The following ACYP2 variants were observed in gnomAD, a reference collection of about 807,000 sequenced individuals.
ACYP2 encodes the protein acylphosphatase 2, also known as acylphosphatase-2.
ACYP2 carries 12 observed loss-of-function variants against 11.2 expected under a neutral mutation model. The ratio of observed to expected loss-of-function variants is 1.08; its 90% CI spans 0.69 to 1.74. The LOEUF (loss-of-function observed/expected upper bound fraction) is 1.74, where lower values mean the gene tolerates loss of function less well. ACYP2 is among the 40% of genes most tolerant of loss of function. ACYP2 has a pLI of 0.00. For synonymous variants in ACYP2, 43 were observed against 32.2 expected (o/e 1.33, Z -1.13); for missense variants, 134 against 101.9 (o/e 1.31, Z -1.35).
intron 4 of ACYP2, among the ~76,000 whole-genome samples, chr2:54,095,606 G>T (rs1293896048): frequency 2.1e-5 from 3 of 144,264 alleles, no homozygotes; most frequent in African/African-American, 8.0e-5. Context: ...CTGGCCGAGT[G>T]GGGGGCTGAC....
chr2:54,198,891 C>A (rs550939732), intron 6 of ACYP2, among the ~76,000 whole-genome samples: 1 of 152,272 alleles, frequency 6.6e-6, no homozygotes, highest in East Asian at 1.9e-4. Context: ...ACTTCTCGTT[C>A]CGTGCCCATT....
intron 4 of ACYP2, among the ~76,000 whole-genome samples, chr2:54,123,942 A>G (rs1680309422): frequency 6.6e-6 from 1 of 152,216 alleles, no homozygotes; most frequent in Non-Finnish European, 1.5e-5. Flanking sequence ...TGCTGCCCCA[A>G]GTAAAATCAG....
chr2:53,984,665 T>C (rs1348587442), intron 2 of ACYP2, among the ~76,000 whole-genome samples: 1 of 150,754 alleles, frequency 6.6e-6, no homozygotes, highest in East Asian at 1.9e-4. Context: ...ATATGTAGTA[T>C]GTATATAAAA....
At chr2:54,250,769 A>G (rs1049573689) in intron 6 of ACYP2, among the ~76,000 whole-genome samples, 10 of 152,238 alleles carry the variant, frequency 6.6e-5, no homozygotes, top group African/African-American at 2.4e-4. Context: ...CAGAAGTGGA[A>G]AGATTTTGCT....
In ACYP2 at chr2:54,255,348, G is replaced by T; in HGVS notation, c.405-49340G>T. 1.9e-6 allele frequency: 3 copies of T among 1,614,114 alleles called. No homozygotes were observed. In the South Asian group the frequency reaches 3.3e-5, roughly 18 times the overall value. On this transcript the variant is annotated intron_variant, in intron 6 of 6. Coordinates refer to ENST00000607452, the MANE Select transcript of ACYP2 (RefSeq NM_001320586.2). The stretch of plus-strand genomic sequence containing the variant: ...AGTAGCTTAACATCTCGGCATCTTG[G>T]CCTCTAATCATGGCAGACAGCTGTG...
At chr2:54,064,439 A>G (rs561375176) in intron 4 of ACYP2, among the ~76,000 whole-genome samples, 1 of 147,720 alleles carries the variant, frequency 6.8e-6, no homozygotes, top group African/African-American at 2.5e-5. Flanking sequence ...TGTGGCAACC[A>G]TTTACTTAGC....
rs138541659 is a variant in ACYP2 at position 54,072,618 on chromosome 2, A to G, written c.277+15258A>G. Among the ~76,000 whole-genome samples the G allele has an allele frequency of 9.6e-3, 1,335 of 139,268 alleles. 46 individuals carry two copies. Among genetic ancestry groups the G allele is most frequent in the East Asian group, 0.068 (331 of 4,860 alleles). 91.4% of individuals were successfully genotyped at this position (139,268 alleles called of 152,430 possible). ...CACTCTGTTGCCCAGGCTGGAGTGCAGTAGCACAGGCTTGGCTCACTGCAA... is the reference window on the plus strand; with the variant it reads ...CACTCTGTTGCCCAGGCTGGAGTGCGGTAGCACAGGCTTGGCTCACTGCAA... On this transcript the variant is annotated intron_variant, in intron 4 of 6. Coordinates refer to ENST00000607452, the MANE Select transcript of ACYP2 (RefSeq NM_001320586.2).
chr2:54,181,326 T>C (rs148751615), intron 6 of ACYP2, among the ~76,000 whole-genome samples: 63 of 152,216 alleles, frequency 4.1e-4, no homozygotes, highest in African/African-American at 1.5e-3. Flanking sequence ...CAAACCTCAT[T>C]TTATGTGTTA....
At chr2:54,015,592 C>T (rs1038731500) in intron 2 of ACYP2, among the ~76,000 whole-genome samples, 1 of 149,660 alleles carries the variant, frequency 6.7e-6, no homozygotes, top group South Asian at 2.1e-4. Flanking sequence ...GAGGATTCAG[C>T]GAGCCATGAT....
rs116172967 is a variant in ACYP2 at position 54,233,723 on chromosome 2, T to C, written c.405-70965T>C. ...ATTAGTTGCATTACTAATTGAAGTT[T>C]TGAAGGTTAAATTAACTTTCCATTT... On this transcript the variant is annotated intron_variant, in intron 6 of 6. Coordinates refer to ENST00000607452, the MANE Select transcript of ACYP2 (RefSeq NM_001320586.2). Among the ~76,000 whole-genome samples the C allele has an allele frequency of 7.8e-3, 1,181 of 152,352 alleles. 15 individuals carry two copies. The highest frequency in any genetic ancestry group is 0.027 in the African/African-American group (1,135 of 41,570).
chr2:54,212,665 A>C (rs1236114426), intron 6 of ACYP2, among the ~76,000 whole-genome samples: 1 of 152,268 alleles, frequency 6.6e-6, no homozygotes, highest in Non-Finnish European at 1.5e-5. Flanking sequence ...GCTAATATGC[A>C]TTCCTCATTA....
intron 2 of ACYP2, among the ~76,000 whole-genome samples, chr2:54,037,653 C>T (rs1674981861): frequency 6.6e-6 from 1 of 152,048 alleles, no homozygotes; most frequent in Non-Finnish European, 1.5e-5. Context: ...AGTGATCCTC[C>T]CCCCTCACCC....
intron 2 of ACYP2, among the ~76,000 whole-genome samples, chr2:53,997,321 T>G (rs1481993251): frequency 1.3e-5 from 2 of 152,186 alleles, no homozygotes; most frequent in African/African-American, 2.4e-5. Flanking sequence ...ATTATTGTTT[T>G]TTGAGACAGA....
chr2:54,119,564 A>G (rs1262444000), intron 4 of ACYP2, among the ~76,000 whole-genome samples: 1 of 152,228 alleles, frequency 6.6e-6, no homozygotes, highest in Admixed American at 6.5e-5. Flanking sequence ...CCCAGTGAAA[A>G]TTGTTTCAAT....
At chr2:54,261,891 AAAG>A (rs1286531445) in intron 6 of ACYP2, among the ~76,000 whole-genome samples, 2 of 152,234 alleles carry the variant, frequency 1.3e-5, no homozygotes. Context: ...AAATGGTCAA[AAAG>A]AAGTTTTAAG....
intron 6 of ACYP2, among the ~76,000 whole-genome samples, chr2:54,270,797 G>C (rs78542652): frequency 0.027 from 4,174 of 152,250 alleles, 65 homozygotes; most frequent in Middle Eastern, 0.068. Context: ...CTGGAGACTA[G>C]AGCAGCATCA....
At chr2:54,295,438 G>A (rs1689485137) in intron 6 of ACYP2, among the ~76,000 whole-genome samples, 1 of 152,144 alleles carries the variant, frequency 6.6e-6, no homozygotes, top group African/African-American at 2.4e-5. Flanking sequence ...TTTAAAATGT[G>A]AGGGTTTTGT....
chr2:54,243,147 T>C (rs983645122), intron 6 of ACYP2, among the ~76,000 whole-genome samples: 7 of 152,198 alleles, frequency 4.6e-5, no homozygotes, highest in Admixed American at 6.5e-5. Context: ...TTTTTTGTCA[T>C]GTAGATTGAA....
At chr2:54,069,029 C>A (rs1158332126) in intron 4 of ACYP2, among the ~76,000 whole-genome samples, 2 of 152,128 alleles carry the variant, frequency 1.3e-5, no homozygotes, top group East Asian at 3.9e-4. Context: ...TAGGCTCAAG[C>A]AAATCCTTCC....
Sources: allele counts gnomAD v4.1 joint callset (sites outside exome capture counted in the v4.1 genomes callset), GRCh38; gene constraint gnomAD v4.1.1; transcripts MANE v1.5; gene names NCBI Gene and HGNC (gene_info 2026-07-23, HGNC 2026-07-21).